The following RANBP9 variants were observed in gnomAD, a reference collection of about 807,000 sequenced individuals.
RANBP9 encodes ran-binding protein 9.
Under a neutral mutation model 84.3 loss-of-function variants are expected in RANBP9, and 15 were observed. The observed-to-expected ratio is 0.18, with a 90% CI of 0.12 to 0.27. The LOEUF is 0.27. RANBP9 is among the 10% of genes least tolerant of loss of function. The pLI, the probability that RANBP9 is intolerant of heterozygous loss-of-function variation, is 1.00. For missense variants in RANBP9, 809 were observed against 912.8 expected, an observed-to-expected ratio of 0.89 and a Z score of 1.46; for synonymous variants, 392 against 349.6, an observed-to-expected ratio of 1.12 and a Z score of -1.35.
At chr6:13,652,515 G>A in intron 5 of RANBP9, 144 bp downstream of exon 5, 1 of 747,908 alleles carries the variant, frequency 1.3e-6, no homozygotes, top group Non-Finnish European at 2.0e-6. Flanking sequence ...GGTGGTTAGA[G>A]AAAAGATCTC....
Position 13,711,270 on chromosome 6 carries a change from G to T in RANBP9, c.236C>A (p.Thr79Asn). 2 of 989,330 alleles carry T rather than the reference G, an allele frequency of 2.0e-6. No homozygotes were observed. Among genetic ancestry groups the T allele is most frequent in the Non-Finnish European group, 2.4e-6 (2 of 833,858 alleles). The allele number at this position is 989,330 out of a possible 1,614,324, so 61.3% of individuals were successfully genotyped here. The part of the protein sequence containing the change: ...LHPPPPPPPA[T>N]AAPPPPPPPP... ...CGGCGGCGGGGGCGGCGGGGCCGCG[G>T]TGGCCGGGGGCGGCGGCGGCGGAGG... The change falls in exon 1 of 14, where the codon ACC becomes AAC. Residue 79 changes from threonine to asparagine, a missense_variant. Thr to Asn is a moderately conservative substitution (Grantham distance 65). This residue lies in a region of RANBP9 where 302 missense variants were observed against 240.1 expected (regional missense o/e 1.26). Coordinates refer to ENST00000011619, the MANE Select transcript of RANBP9 (RefSeq NM_005493.3).
intron 2 of RANBP9, among the ~76,000 whole-genome samples, chr6:13,674,890 A>C (rs1765854620): frequency 6.6e-6 from 1 of 152,156 alleles, no homozygotes. Context: ...CCCTTGATTC[A>C]GTCTCATAAT....
chr6:13,622,440 G>T lies in RANBP9; in HGVS notation c.2112C>A (p.Ala704=). 1 of 1,603,312 alleles carries T rather than the reference G, an allele frequency of 6.2e-7. No homozygotes were observed. The highest frequency in any genetic ancestry group is 8.5e-7 in the Non-Finnish European group (1 of 1,175,088). ...QPPLALAMGQ[A]TQCLGLMARS... Reference sequence around the variant, plus strand: ...GAGCCATCAGTCCTAGACATTGTGTGGCCTGTCCCATTGCTAGGGCAAGTG... The same window carrying T: ...GAGCCATCAGTCCTAGACATTGTGTTGCCTGTCCCATTGCTAGGGCAAGTG... The change falls in exon 14 of 14, where the codon GCC becomes GCA. Residue 704 remains alanine (A), a synonymous_variant. Coordinates refer to ENST00000011619, the MANE Select transcript of RANBP9 (RefSeq NM_005493.3).
intron 5 of RANBP9, among the ~76,000 whole-genome samples, chr6:13,645,875 G>C (rs1180502103): frequency 6.6e-6 from 1 of 152,092 alleles, no homozygotes; most frequent in African/African-American, 2.4e-5. Flanking sequence ...AATGCAAAGA[G>C]GGTGTGTTTA....
At chr6:13,662,390 T>C (rs1053168133) in intron 2 of RANBP9, among the ~76,000 whole-genome samples, 1 of 152,172 alleles carries the variant, frequency 6.6e-6, no homozygotes, top group Non-Finnish European at 1.5e-5. Context: ...AGAAATACTC[T>C]TGCTTTGAAT....
chr6:13,666,414 T>A (rs1417158457), intron 2 of RANBP9, among the ~76,000 whole-genome samples: 1 of 151,582 alleles, frequency 6.6e-6, no homozygotes, highest in African/African-American at 2.4e-5. Flanking sequence ...TGCAAAAATG[T>A]CAGTAACACA....
chr6:13,652,632 GA>G, intron 5 of RANBP9, 26 bp downstream of exon 5: 1 of 1,548,904 alleles, frequency 6.5e-7, no homozygotes, highest in South Asian at 1.1e-5. Context: ...ATTAAAAATG[GA>G]AAACTGCTTT....
intron 2 of RANBP9, among the ~76,000 whole-genome samples, chr6:13,692,071 G>C (rs1394419392): frequency 6.6e-6 from 1 of 152,156 alleles, no homozygotes; most frequent in Admixed American, 6.5e-5. Context: ...AAGATGTTGA[G>C]ATTTTTAGGA....
chr6:13,623,591 C>T (rs1360443360), intron 13 of RANBP9, among the ~76,000 whole-genome samples: 1 of 152,144 alleles, frequency 6.6e-6, no homozygotes, highest in African/African-American at 2.4e-5. Flanking sequence ...CAAAGACAAA[C>T]ATCTACAGGG....
intron 2 of RANBP9, among the ~76,000 whole-genome samples, chr6:13,662,418 A>G (rs895583353): frequency 3.9e-5 from 6 of 152,180 alleles, no homozygotes; most frequent in Non-Finnish European, 8.8e-5. Flanking sequence ...AATTCCAGAA[A>G]AGAAAAAGAA....
chr6:13,686,346 C>T (rs1469116903), intron 2 of RANBP9, among the ~76,000 whole-genome samples: 11 of 151,902 alleles, frequency 7.2e-5, no homozygotes, highest in Admixed American at 2.0e-4. Flanking sequence ...AGTGCAGCGG[C>T]GCGATCTTGG....
chr6:13,665,715 A>G (rs1765629471), intron 2 of RANBP9, among the ~76,000 whole-genome samples: 1 of 152,186 alleles, frequency 6.6e-6, no homozygotes, highest in African/African-American at 2.4e-5. Flanking sequence ...AAAAACTTGA[A>G]ACAGCCTGGC....
intron 12 of RANBP9, among the ~76,000 whole-genome samples, chr6:13,627,630 C>CAAAAAAAAAAAAAAAAAAA (rs35401168): frequency 1.5e-5 from 1 of 66,400 alleles, no homozygotes; most frequent in Admixed American, 1.7e-4. Context: ...ACTCCATCTC[C>CAAAAAAAAAAAAAAAAAAA]AAAAAAAAAA....
At chr6:13,636,508 C>T (rs1369420040) in intron 10 of RANBP9, among the ~76,000 whole-genome samples, 1 of 152,130 alleles carries the variant, frequency 6.6e-6, no homozygotes, top group Non-Finnish European at 1.5e-5. Flanking sequence ...TTAGCAACTT[C>T]CTGCTGTAGG....
intron 5 of RANBP9, among the ~76,000 whole-genome samples, chr6:13,647,550 C>G (rs1765199558): frequency 6.6e-6 from 1 of 151,998 alleles, no homozygotes; most frequent in Non-Finnish European, 1.5e-5. Flanking sequence ...TGGTATGACC[C>G]TATCTTTCAC....
At chr6:13,626,737 T>A (rs1205520627) in intron 12 of RANBP9, among the ~76,000 whole-genome samples, 1 of 152,150 alleles carries the variant, frequency 6.6e-6, no homozygotes, top group Non-Finnish European at 1.5e-5. Flanking sequence ...ACTTTGAAAA[T>A]ACTGACTACT....
chr6:13,699,809 C>G (rs1484900513), intron 1 of RANBP9, among the ~76,000 whole-genome samples: 1 of 152,112 alleles, frequency 6.6e-6, no homozygotes, highest in African/African-American at 2.4e-5. Context: ...TTGCAAGGGC[C>G]TGACAGCGCC....
rs760604355 is a variant in RANBP9, at chr6:13,622,488, G to A, written c.2064C>T (p.Thr688=). 8 of 1,560,718 alleles carry A rather than the reference G, an allele frequency of 5.1e-6. No homozygotes were observed. In the Admixed American group the frequency reaches 1.0e-4, roughly 20 times the overall value. Residue 688 remains threonine, a synonymous_variant, in exon 14 of 14, where the codon ACC becomes ACT. Transcript: ENST00000011619. ...CSALNSAILE[T]HNLPKQPPLA... ...GTGGAGGTTGCTTTGGCAGATTGTG[G>A]GTTTCTGAGGAAAAATAATTTAAAA...
At chr6:13,646,665 G>C (rs560735286) in intron 5 of RANBP9, among the ~76,000 whole-genome samples, 7 of 152,210 alleles carry the variant, frequency 4.6e-5, no homozygotes, top group Non-Finnish European at 8.8e-5. Context: ...CAACATTCAT[G>C]AATTCTCTGA....
Sources: gnomAD v4.1 joint callset for allele counts (sites outside exome capture counted in the v4.1 genomes callset) on GRCh38, gnomAD v4.1.1 for gene constraint, gnomAD v4.1.1 regional missense constraint, MANE v1.5 for transcripts, NCBI Gene and HGNC (gene_info 2026-07-23, HGNC 2026-07-21) for gene names.